IQGAP2: variants seen among roughly 807,000 people sequenced by gnomAD.
The protein encoded by IQGAP2 is IQ motif containing GTPase activating protein 2, also known as ras GTPase-activating-like protein IQGAP2.
IQGAP2 carries 173 observed loss-of-function variants against 201.3 expected under a neutral mutation model. The observed-to-expected ratio is 0.86, with a 90% CI of 0.76 to 0.98. The LOEUF (loss-of-function observed/expected upper bound fraction) is 0.98. IQGAP2 is among the 50% of genes least tolerant of loss of function. IQGAP2 has a pLI of 0.00. For synonymous variants in IQGAP2, 675 were observed against 673.9 expected (o/e 1.00, Z -0.03); for missense variants, 1,687 against 1,864.8 (o/e 0.90, Z 1.76).
chr5:76,655,095 A>C (rs984613117), intron 20 of IQGAP2, 92 bp downstream of exon 20: 1 of 854,182 alleles, frequency 1.2e-6, no homozygotes, highest in African/African-American at 1.7e-5. Context: ...AGGCTGCTCT[A>C]AGAACAGAGG....
intron 17 of IQGAP2, among the ~76,000 whole-genome samples, chr5:76,647,937 C>T (rs1269796024): frequency 1.3e-5 from 2 of 152,134 alleles, no homozygotes; most frequent in East Asian, 3.9e-4. Flanking sequence ...TGTAATAAGG[C>T]ACCCAGACTT....
At chr5:76,447,119 A>G (rs1340402990) in intron 1 of IQGAP2, among the ~76,000 whole-genome samples, 1 of 152,186 alleles carries the variant, frequency 6.6e-6, no homozygotes, top group Non-Finnish European at 1.5e-5. Context: ...CAACCTCCCC[A>G]ACAGCACTTG....
rs546557649 is a variant in IQGAP2 at position 76,583,708 on chromosome 5, G to A, written c.459-5198G>A. 9.2e-5 allele frequency among the ~76,000 whole-genome samples: 14 copies of A among 152,174 alleles called. No individual in the cohort carries two copies. The South Asian group carries it at 2.1e-3, about 23-fold the overall frequency. Reference sequence around the variant, plus strand: ...GTAAGATTTATATTAATATTACATTGTACAATGGAGAAATTAAAAATGTAA... The same window carrying A: ...GTAAGATTTATATTAATATTACATTATACAATGGAGAAATTAAAAATGTAA... On this transcript the variant is annotated intron_variant, in intron 5 of 35. Coordinates refer to ENST00000274364, the MANE Select transcript of IQGAP2 (RefSeq NM_006633.5).
At chr5:76,630,774 T>C (rs183439620) in intron 14 of IQGAP2, among the ~76,000 whole-genome samples, 77 of 152,300 alleles carry the variant, frequency 5.1e-4, no homozygotes, top group Non-Finnish European at 8.5e-4. Flanking sequence ...TGTCTACCCA[T>C]GTTCTATTAA....
chr5:76,502,433 A>G (rs1757333306), intron 2 of IQGAP2, among the ~76,000 whole-genome samples: 1 of 152,210 alleles, frequency 6.6e-6, no homozygotes, highest in South Asian at 2.1e-4. Context: ...AGTGAATAGT[A>G]AAACACTACT....
At chr5:76,529,515 C>A in intron 2 of IQGAP2, among the ~76,000 whole-genome samples, 1 of 152,028 alleles carries the variant, frequency 6.6e-6, no homozygotes, top group Non-Finnish European at 1.5e-5. Flanking sequence ...GTAATCCCAG[C>A]TAGTCAAGAG....
chr5:76,420,345 A>G lies in IQGAP2; in HGVS notation c.46+16754A>G, dbSNP rs1751659543. On this transcript the variant is annotated intron_variant, in intron 1 of 35. Transcript: ENST00000274364. ...GTATTAAGTACATTCACATTGTTGT[A>G]TAACCATCATCACGATCTATCTTTG... Among the ~76,000 whole-genome samples the G allele has an allele frequency of 3.3e-5, 5 of 150,552 alleles. No individual in the cohort carries two copies. In the South Asian group the frequency reaches 1.1e-3, roughly 32 times the overall value.
intron 17 of IQGAP2, among the ~76,000 whole-genome samples, chr5:76,652,391 A>G (rs921112770): frequency 7.2e-5 from 11 of 152,160 alleles, no homozygotes; most frequent in African/African-American, 2.2e-4. Flanking sequence ...TGTTGTTATC[A>G]AATACCACTA....
chr5:76,584,349 G>A (rs1251511822), intron 5 of IQGAP2, among the ~76,000 whole-genome samples: 8 of 152,170 alleles, frequency 5.3e-5, no homozygotes, highest in East Asian at 1.9e-4. Context: ...ATACATTTGC[G>A]ATAAAAATGC....
At chr5:76,615,471 A>G (rs1748858738) in intron 13 of IQGAP2, 1 of 152,234 alleles carries the variant, frequency 6.6e-6, no homozygotes, top group Non-Finnish European at 1.5e-5. Flanking sequence ...AACTGTGTAC[A>G]TTTAAAAATA....
intron 1 of IQGAP2, chr5:76,404,471 A>G (rs1265908297): frequency 2.0e-6 from 2 of 985,410 alleles, no homozygotes; most frequent in African/African-American, 1.7e-5. Flanking sequence ...TGGCCCTGTC[A>G]GTGAACCCAA....
rs56929376 is a variant in IQGAP2, at chr5:76,501,643, C to CTTTTTTTTTTTTT, written c.146+39976_146+39988dup. On this transcript the variant is annotated intron_variant, in intron 2 of 35. Transcript: ENST00000274364. ...CCTGCTGCATTTTCTTTTTCCTTTT[C>CTTTTTTTTTTTTT]TTTTTTTTTTTTTTCCTTGAGACAG... is the stretch of plus-strand genomic sequence containing the variant. Among the ~76,000 whole-genome samples, 49 of 101,108 alleles carry CTTTTTTTTTTTTT rather than the reference C, an allele frequency of 4.8e-4. 13 individuals are homozygous for CTTTTTTTTTTTTT. The highest frequency in any genetic ancestry group is 5.4e-4 in the Non-Finnish European group (29 of 54,044). The allele number at this position is 101,108 out of a possible 152,430, so 66.3% of individuals were successfully genotyped here.
intron 30 of IQGAP2, among the ~76,000 whole-genome samples, chr5:76,691,091 C>A (rs1157882323): frequency 2.0e-5 from 3 of 152,210 alleles, no homozygotes; most frequent in African/African-American, 7.2e-5. Flanking sequence ...GGCTTTAAAT[C>A]TGTCCGTCCC....
chr5:76,505,449 C>T (rs1162000681), intron 2 of IQGAP2, among the ~76,000 whole-genome samples: 1 of 152,148 alleles, frequency 6.6e-6, no homozygotes, highest in African/African-American at 2.4e-5. Context: ...TGATAAAAAT[C>T]TGTGATGCTA....
intron 2 of IQGAP2, among the ~76,000 whole-genome samples, chr5:76,535,948 G>C (rs1759596484): frequency 6.6e-6 from 1 of 151,638 alleles, no homozygotes; most frequent in Admixed American, 6.6e-5. Context: ...CTTATTGGCT[G>C]TGGTTGATGA....
At chr5:76,699,640 TCTCTCTCTCTCTCTCTCTCTCA>T (rs1747108815) in intron 33 of IQGAP2, 2 of 119,736 alleles carry the variant, frequency 1.7e-5, no homozygotes, top group African/African-American at 6.4e-5. Context: ...TCTCTCTCTC[TCTCTCTCTCTCTCTCTCTCTCA>T]CTCTCGTGCT....
chr5:76,611,473 G>T (rs1748405611), intron 13 of IQGAP2, among the ~76,000 whole-genome samples: 1 of 152,156 alleles, frequency 6.6e-6, no homozygotes, highest in Non-Finnish European at 1.5e-5. Flanking sequence ...GATACTATGT[G>T]CACACTTCAG....
intron 2 of IQGAP2, among the ~76,000 whole-genome samples, chr5:76,508,544 G>A (rs953313565): frequency 6.6e-6 from 1 of 151,500 alleles, no homozygotes; most frequent in African/African-American, 2.4e-5. Flanking sequence ...TCAAGTATTA[G>A]AATTTAATAA....
At chr5:76,588,185 C>T (rs898718366) in intron 5 of IQGAP2, among the ~76,000 whole-genome samples, 22 of 152,148 alleles carry the variant, frequency 1.4e-4, no homozygotes, top group African/African-American at 4.8e-4. Flanking sequence ...TCATTCAGTT[C>T]ACTTTCTCAT....
Sources: gnomAD v4.1 joint callset for allele counts (sites outside exome capture counted in the v4.1 genomes callset) on GRCh38, gnomAD v4.1.1 for gene constraint, MANE v1.5 for transcripts, NCBI Gene and HGNC (gene_info 2026-07-23, HGNC 2026-07-21) for gene names.